Variants in LRIG1 observed in about 807,000 individuals in gnomAD.
LRIG1 encodes the protein leucine rich repeats and immunoglobulin like domains 1, also known as leucine-rich repeats and immunoglobulin-like domains protein 1.
Under a neutral mutation model 99.2 loss-of-function variants are expected in LRIG1, and 48 were observed. The ratio of observed to expected loss-of-function variants is 0.48; its 90% CI spans 0.38 to 0.62. The LOEUF (loss-of-function observed/expected upper bound fraction) is 0.62, where lower values mean the gene tolerates loss of function less well. LRIG1 is among the 20% of genes least tolerant of loss of function. The pLI is 0.00. For missense variants in LRIG1, 1,646 were observed against 1,434.4 expected (o/e 1.15, Z -2.38); for synonymous variants, 772 against 596.1 (o/e 1.29, Z -4.30).
chr3:66,485,903 C>T (rs754098875), intron 1 of LRIG1, among the ~76,000 whole-genome samples: 1 of 152,162 alleles, frequency 6.6e-6, no homozygotes. Flanking sequence ...TGCTTCAAGC[C>T]ACCAAAGACC....
At chr3:66,426,901 C>G (rs748251871) in intron 3 of LRIG1, among the ~76,000 whole-genome samples, 1 of 152,232 alleles carries the variant, frequency 6.6e-6, no homozygotes, top group Non-Finnish European at 1.5e-5. Flanking sequence ...CCACAGTCAA[C>G]TATCTGAGTG....
intron 1 of LRIG1, among the ~76,000 whole-genome samples, chr3:66,495,607 T>C (rs1263840099): frequency 6.6e-6 from 1 of 152,232 alleles, no homozygotes; most frequent in Non-Finnish European, 1.5e-5. Flanking sequence ...CTTTACTGCA[T>C]ATAACAACTT....
chr3:66,451,414 C>T, intron 3 of LRIG1, 145 bp downstream of exon 3: 1 of 640,522 alleles, frequency 1.6e-6, no homozygotes, highest in South Asian at 2.1e-5. Context: ...AAGCGTTTGT[C>T]ATGATCATGA....
In LRIG1 at chr3:66,456,572, TAAA is replaced by T. The variant is rs35291779; in HGVS notation, c.291-4942_291-4940del. Among the ~76,000 whole-genome samples, 442 of 121,690 alleles carry T rather than the reference TAAA, an allele frequency of 3.6e-3. 2 individuals carry two copies. The highest frequency in any genetic ancestry group is 0.012 in the African/African-American group (371 of 31,932). 79.8% of individuals were successfully genotyped at this position (121,690 alleles called of 152,430 possible). On this transcript the variant is annotated intron_variant, in intron 2 of 18. Transcript: ENST00000273261. ...TGGGCAACAGAGTGAGATCCTGTCT[TAAA>T]AAAAAAAAAAAAAAAAAGTGATAGT... is the stretch of plus-strand genomic sequence containing the variant.
At chr3:66,418,146 C>G (rs891448830) in intron 3 of LRIG1, among the ~76,000 whole-genome samples, 2 of 152,054 alleles carry the variant, frequency 1.3e-5, no homozygotes. Context: ...GGCTGGAGTG[C>G]AGTGGCGCCA....
At chr3:66,386,925 T>A (rs941831076) in intron 12 of LRIG1, 1 of 151,818 alleles carries the variant, frequency 6.6e-6, no homozygotes, top group African/African-American at 2.4e-5. Flanking sequence ...CCCAGCTCCA[T>A]GGTAGCCTTG....
intron 12 of LRIG1, 44 bp from the exon 13 acceptor site, chr3:66,386,345 C>A: frequency 1.3e-6 from 2 of 1,513,234 alleles, no homozygotes; most frequent in South Asian, 1.2e-5. Context: ...GTTCTTGGTA[C>A]ACAGAGGAAC....
intron 3 of LRIG1, among the ~76,000 whole-genome samples, chr3:66,426,105 G>A (rs1380331294): frequency 6.6e-6 from 1 of 152,174 alleles, no homozygotes; most frequent in Non-Finnish European, 1.5e-5. Flanking sequence ...AGGCAGTTGG[G>A]ACAAGGTGGG....
At chr3:66,499,757 T>G (rs563729399) in intron 1 of LRIG1, among the ~76,000 whole-genome samples, 4 of 152,142 alleles carry the variant, frequency 2.6e-5, no homozygotes, top group South Asian at 2.1e-4. Flanking sequence ...CACCAAATAG[T>G]TGGATTACAG....
At chr3:66,483,423 T>A (rs1277323419) in intron 1 of LRIG1, among the ~76,000 whole-genome samples, 1 of 152,188 alleles carries the variant, frequency 6.6e-6, no homozygotes, top group Non-Finnish European at 1.5e-5. Flanking sequence ...TTCTATCAAT[T>A]TACATAGTTA....
Position 66,417,153 on chromosome 3 carries a change from G to C in LRIG1, c.479C>G (p.Pro160Arg), listed in dbSNP as rs1188547172. 13 of 1,614,170 alleles carry C rather than the reference G, an allele frequency of 8.1e-6. No homozygotes were observed. The highest frequency in any genetic ancestry group is 1.1e-5 in the Non-Finnish European group (13 of 1,180,020). The change falls in exon 4 of 19, where the codon CCA becomes CGA. Residue 160 changes from proline to arginine, a missense_variant. Physicochemically the swap from Pro to Arg is moderately radical, Grantham distance 103. Coordinates refer to ENST00000273261, the MANE Select transcript of LRIG1 (RefSeq NM_015541.3). ...CAGCTCCTTTATAGGCGGTCCGTGT[G>C]GAAAGCAGGTGTTCCGCACTTCCGT... is the stretch of plus-strand genomic sequence containing the variant. Reference protein sequence around the residue: ...NITEVRNTCFPHGPPIKELNL... With the variant: ...NITEVRNTCFRHGPPIKELNL...
chr3:66,406,458 C>T, intron 8 of LRIG1: 2 of 979,736 alleles, frequency 2.0e-6, no homozygotes, highest in Non-Finnish European at 2.4e-6. Flanking sequence ...TTGGCTCCGG[C>T]CTCTTTCACA....
intron 9 of LRIG1, among the ~76,000 whole-genome samples, chr3:66,401,097 C>G (rs535325051): frequency 2.0e-5 from 3 of 152,204 alleles, no homozygotes; most frequent in Non-Finnish European, 2.9e-5. Flanking sequence ...AAGGGGCAAA[C>G]GGGCCAGAGA....
intron 6 of LRIG1, 118 bp downstream of exon 6, chr3:66,412,753 C>A: frequency 8.1e-7 from 1 of 1,231,114 alleles, no homozygotes; most frequent in Admixed American, 2.0e-5. Flanking sequence ...GGCGCACACA[C>A]CCAACACACA....
chr3:66,481,924 A>G (rs1700861393), intron 1 of LRIG1, among the ~76,000 whole-genome samples: 1 of 152,258 alleles, frequency 6.6e-6, no homozygotes, highest in African/African-American at 2.4e-5. Flanking sequence ...GCAGCTTACA[A>G]TTCAACCTTG....
chr3:66,382,313 G>C lies in LRIG1; in HGVS notation c.2577C>G (p.Thr859=). 1 of 1,614,110 alleles carries C rather than the reference G, an allele frequency of 6.2e-7. No individual in the cohort carries two copies. Among genetic ancestry groups the C allele is most frequent in the African/African-American group, 1.3e-5 (1 of 75,028 alleles). The change falls in exon 16 of 19, where the codon ACC becomes ACG. Residue 859 remains threonine, a synonymous_variant. Transcript: ENST00000273261. ...LSDRQETVVR[T]EGGPQANGHI... is the part of the protein sequence containing the mutation. ...GCCCATTGGCCTGAGGGCCACCCTC[G>C]GTCCTGACCACGGTTTCTTGTCGGT... is the stretch of plus-strand genomic sequence containing the variant.
chr3:66,399,246 C>T (rs1191049086), intron 9 of LRIG1, among the ~76,000 whole-genome samples: 2 of 152,168 alleles, frequency 1.3e-5, no homozygotes, highest in Non-Finnish European at 2.9e-5. Flanking sequence ...AAATGAAATA[C>T]TTTTATCTTT....
At chr3:66,396,577 T>G (rs942077645) in intron 11 of LRIG1, among the ~76,000 whole-genome samples, 3 of 152,198 alleles carry the variant, frequency 2.0e-5, no homozygotes, top group African/African-American at 7.2e-5. Flanking sequence ...GCAGCAACGA[T>G]GGGAAACCCA....
chr3:66,415,088 G>A lies in LRIG1; in HGVS notation c.504-25C>T, dbSNP rs914585391. On this transcript the variant is annotated intron_variant, in intron 4 of 18. Transcript: ENST00000273261. ...GCTGGAATGATTCAGAAAAGAAAAT[G>A]TGGTGGTTGGTCAAAGGCCTTCCTC... 8 of 1,576,892 alleles carry A rather than the reference G, an allele frequency of 5.1e-6. No individual in the cohort carries two copies. The South Asian group carries it at 9.5e-5, about 19-fold the overall frequency.
Sources: gnomAD v4.1 joint callset for allele counts (sites outside exome capture counted in the v4.1 genomes callset) on GRCh38, gnomAD v4.1.1 for gene constraint, MANE v1.5 for transcripts, NCBI Gene and HGNC (gene_info 2026-07-23, HGNC 2026-07-21) for gene names.